PBX1: variants seen among roughly 807,000 people sequenced by gnomAD.
PBX1 encodes pre-B-cell leukemia transcription factor 1.
PBX1 carries 6 observed loss-of-function variants against 53.4 expected under a neutral mutation model. The ratio of observed to expected loss-of-function variants is 0.11; its 90% CI spans 0.06 to 0.22. The LOEUF is 0.22. Ranked by LOEUF, PBX1 falls within the 10% of genes least tolerant of loss-of-function variation. PBX1 has a pLI of 1.00. For synonymous variants in PBX1, 204 were observed against 212.3 expected (o/e 0.96, Z 0.34); for missense variants, 251 against 551.4 (o/e 0.46, Z 5.46).
chr1:164,885,983 T>A (rs1672768045), intron 2 of PBX1, among the ~76,000 whole-genome samples: 1 of 151,762 alleles, frequency 6.6e-6, no homozygotes, highest in Non-Finnish European at 1.5e-5. Flanking sequence ...TTGTATTCTT[T>A]ACTGCTGTAT....
At chr1:164,753,642 C>T (rs889893059) in intron 2 of PBX1, among the ~76,000 whole-genome samples, 4 of 152,308 alleles carry the variant, frequency 2.6e-5, no homozygotes, top group Admixed American at 6.5e-5. Flanking sequence ...ACAGCCCTTG[C>T]GTGGTTTTGA....
chr1:164,812,234 A>G (rs1044818510), intron 6 of PBX1, 85 bp downstream of exon 6: 5 of 1,272,040 alleles, frequency 3.9e-6, no homozygotes, highest in Admixed American at 5.0e-5. Context: ...ATTTTCTTTT[A>G]ATTTGTTAGG....
chr1:164,623,846 A>C (rs1019757949), intron 2 of PBX1, among the ~76,000 whole-genome samples: 2 of 152,212 alleles, frequency 1.3e-5, no homozygotes, highest in African/African-American at 4.8e-5. Flanking sequence ...TTAGAAGCCT[A>C]ATTAGTGGAA....
At chr1:164,616,798 G>A (rs1350373379) in intron 2 of PBX1, among the ~76,000 whole-genome samples, 2 of 152,174 alleles carry the variant, frequency 1.3e-5, no homozygotes, top group African/African-American at 4.8e-5. Context: ...TACTCATCAT[G>A]TGCTAGGCAT....
rs933027175 is a variant in PBX1, at chr1:164,559,638, C to T, written c.-185C>T. ...CCCCCTCCCCCTCCCCCTCCTCATC[C>T]TCCCACCATCCTCTAAAGAGGCAAA... is the stretch of plus-strand genomic sequence containing the variant. On this transcript the variant is annotated 5_prime_UTR_variant, in exon 1 of 9. Transcript: ENST00000420696. 3.0e-5 allele frequency: 12 copies of T among 394,410 alleles called. No homozygotes were observed. The highest frequency in any genetic ancestry group is 6.3e-5 in the African/African-American group (3 of 47,738). 24.4% of individuals were successfully genotyped at this position (394,410 alleles called of 1,614,324 possible). A position where few individuals can be genotyped will look rare whatever the true frequency, so the allele number is the denominator to read the frequency against.
At chr1:164,640,723 A>AT (rs1050781278) in intron 2 of PBX1, among the ~76,000 whole-genome samples, 9 of 151,570 alleles carry the variant, frequency 5.9e-5, no homozygotes, top group Admixed American at 5.2e-4. Context: ...TGCCTGGCTG[A>AT]TTTTTTTGTA....
intron 2 of PBX1, among the ~76,000 whole-genome samples, chr1:164,756,354 T>C (rs1447853398): frequency 6.6e-6 from 1 of 152,224 alleles, no homozygotes; most frequent in Non-Finnish European, 1.5e-5. Flanking sequence ...GAAACCTTAA[T>C]TTTTAAAAAG....
intron 8 of PBX1, among the ~76,000 whole-genome samples, chr1:164,844,638 A>G (rs777376430): frequency 6.6e-6 from 1 of 152,204 alleles, no homozygotes; most frequent in Non-Finnish European, 1.5e-5. Flanking sequence ...TTAAAAAATG[A>G]CATTAAAGGA....
At chr1:164,804,481 C>T (rs1031884422) in intron 4 of PBX1, among the ~76,000 whole-genome samples, 1 of 152,144 alleles carries the variant, frequency 6.6e-6, no homozygotes, top group African/African-American at 2.4e-5. Context: ...AAAATTAGCT[C>T]TCTGGTTACA....
chr1:164,572,400 A>C (rs753702502), intron 2 of PBX1, among the ~76,000 whole-genome samples: 4 of 152,132 alleles, frequency 2.6e-5, no homozygotes, highest in Non-Finnish European at 5.9e-5. Context: ...GTTTTTGATA[A>C]ATTTATTTGA....
chr1:164,771,478 T>G lies in PBX1; in HGVS notation c.266-21016T>G, dbSNP rs149782092. ...GCCGCTCTGTCTGTTGTCTGCACAC[T>G]GCATTTGTTTGTCTGGAATGCAGAA... On this transcript the variant is annotated intron_variant, in intron 2 of 8. Transcript: ENST00000420696. 13 of 152,200 alleles carry G rather than the reference T, an allele frequency of 8.5e-5. No homozygotes were observed. The East Asian group carries it at 2.3e-3, about 27-fold the overall frequency. 9.4% of individuals were successfully genotyped at this position (152,200 alleles called of 1,614,324 possible). A position where few individuals can be genotyped will look rare whatever the true frequency, so the allele number is the denominator to read the frequency against.
At chr1:164,844,068 C>T (rs1441362615) in intron 8 of PBX1, among the ~76,000 whole-genome samples, 1 of 151,002 alleles carries the variant, frequency 6.6e-6, no homozygotes, top group Non-Finnish European at 1.5e-5. Flanking sequence ...TTATTTTATA[C>T]CAGGGTGATT....
intron 1 of PBX1, 64 bp downstream of exon 1, chr1:164,560,077 A>C (rs1652920158): frequency 8.5e-7 from 1 of 1,174,574 alleles, no homozygotes; most frequent in African/African-American, 1.6e-5. Context: ...TTGCAGGGGG[A>C]AACAATGGGA....
intron 2 of PBX1, among the ~76,000 whole-genome samples, chr1:164,714,070 C>G (rs1421643061): frequency 6.6e-6 from 1 of 152,170 alleles, no homozygotes; most frequent in East Asian, 1.9e-4. Context: ...AATTATTAAA[C>G]AGTTTGTTTT....
intron 2 of PBX1, among the ~76,000 whole-genome samples, chr1:164,569,577 T>TC (rs1033591806): frequency 1.4e-5 from 2 of 138,128 alleles, no homozygotes; most frequent in African/African-American, 2.7e-5. Context: ...TTTTTTTTTT[T>TC]TTTTTTTTTT....
intron 2 of PBX1, among the ~76,000 whole-genome samples, chr1:164,621,724 G>T (rs1657690291): frequency 2.6e-5 from 4 of 152,264 alleles, no homozygotes; most frequent in South Asian, 4.2e-4. Context: ...TTGAGAAAAG[G>T]ATCAATGGAC....
At chr1:164,619,075 A>G (rs1657499008) in intron 2 of PBX1, among the ~76,000 whole-genome samples, 1 of 152,212 alleles carries the variant, frequency 6.6e-6, no homozygotes, top group Non-Finnish European at 1.5e-5. Flanking sequence ...ATTAAGTGGC[A>G]GCAGGGAAAT....
chr1:164,663,464 C>T (rs1329093923), intron 2 of PBX1, among the ~76,000 whole-genome samples: 5 of 152,134 alleles, frequency 3.3e-5, no homozygotes, highest in Non-Finnish European at 7.3e-5. Flanking sequence ...GTTCATGATA[C>T]GTAGAACCTG....
intron 2 of PBX1, among the ~76,000 whole-genome samples, chr1:164,732,260 A>C (rs1447138317): frequency 6.6e-6 from 1 of 152,190 alleles, no homozygotes; most frequent in Non-Finnish European, 1.5e-5. Context: ...TAAGGAATTG[A>C]TAAAAGGATG....
Sources: gnomAD v4.1 joint callset for allele counts (sites outside exome capture counted in the v4.1 genomes callset) on GRCh38, gnomAD v4.1.1 for gene constraint, MANE v1.5 for transcripts, NCBI Gene and HGNC (gene_info 2026-07-23, HGNC 2026-07-21) for gene names.